TTC3: variants seen among roughly 807,000 people sequenced by gnomAD.
TTC3 encodes tetratricopeptide repeat domain 3, also known as E3 ubiquitin-protein ligase TTC3.
Under a neutral mutation model 249.6 loss-of-function variants are expected in TTC3, and 180 were observed. That is an observed-to-expected ratio of 0.72 (90% CI 0.64 to 0.82). The LOEUF is 0.82. Among genes scored for constraint, TTC3 ranks in the 40% least tolerant of loss-of-function variants. The pLI is 0.00. For synonymous variants in TTC3, 717 were observed against 805.0 expected (o/e 0.89, Z 1.85); for missense variants, 2,061 against 2,398.4 (o/e 0.86, Z 2.94).
At chr21:37,123,760 T>C (rs369295897) in intron 13 of TTC3, among the ~76,000 whole-genome samples, 2 of 151,980 alleles carry the variant, frequency 1.3e-5, no homozygotes, top group East Asian at 1.9e-4. Context: ...TTTTTTTTAA[T>C]TTTTTTGAGA....
At chr21:37,082,776 T>C (rs2071881232) in intron 1 of TTC3, 1 of 984,482 alleles carries the variant, frequency 1.0e-6, no homozygotes, top group Admixed American at 6.2e-5. Flanking sequence ...CCAGAGTGTA[T>C]AGTTGACCAT....
chr21:37,197,793 A>G, intron 43 of TTC3, 89 bp from the exon 44 acceptor site: 1 of 1,548,680 alleles, frequency 6.5e-7, no homozygotes, highest in Non-Finnish European at 8.6e-7. Context: ...CCTAGAGAGC[A>G]ATGTACTAAA....
intron 23 of TTC3, 79 bp from the exon 24 acceptor site, chr21:37,149,999 G>T (rs762899569): frequency 7.7e-5 from 80 of 1,038,056 alleles, no homozygotes; most frequent in Non-Finnish European, 1.1e-4. Flanking sequence ...GTTCCTAGTG[G>T]TAAAAATAGT....
At chr21:37,111,633 A>G (rs1020847060) in intron 11 of TTC3, among the ~76,000 whole-genome samples, 1 of 151,906 alleles carries the variant, frequency 6.6e-6, no homozygotes, top group Admixed American at 6.5e-5. Flanking sequence ...AACATTAGAC[A>G]GATCAACGAG....
At chr21:37,109,304 T>C (rs2075380644) in intron 11 of TTC3, among the ~76,000 whole-genome samples, 1 of 152,208 alleles carries the variant, frequency 6.6e-6, no homozygotes, top group South Asian at 2.1e-4. Context: ...GGGAATTCCC[T>C]TTCCTAGTCA....
At chr21:37,125,880 TC>T (rs1306393536) in intron 14 of TTC3, among the ~76,000 whole-genome samples, 199 bp from the exon 15 acceptor site, 1 of 76 alleles carries the variant, frequency 0.013, no homozygotes. Flanking sequence ...AAGAATTTGT[TC>T]GTTGCCATAT....
intron 32 of TTC3, 103 bp from the exon 33 acceptor site, chr21:37,165,447 A>G (rs2081162241): frequency 3.5e-6 from 3 of 862,970 alleles, no homozygotes; most frequent in Non-Finnish European, 5.4e-6. Flanking sequence ...GATCAGTGAA[A>G]AGTGAAACAG....
At chr21:37,081,387 A>T (rs1470051097) in intron 1 of TTC3, among the ~76,000 whole-genome samples, 2 of 152,108 alleles carry the variant, frequency 1.3e-5, no homozygotes. Context: ...AAGTGCTGGG[A>T]TTACAGGCGT....
At chr21:37,096,435 T>TA in intron 9 of TTC3, 146 bp from the exon 10 acceptor site, 2 of 553,440 alleles carry the variant, frequency 3.6e-6, no homozygotes, top group Non-Finnish European at 6.3e-6. Flanking sequence ...CTTCGCCAGT[T>TA]AAGACTCCAG....
intron 1 of TTC3, among the ~76,000 whole-genome samples, chr21:37,080,478 G>C (rs1325228553): frequency 6.6e-6 from 1 of 151,448 alleles, no homozygotes. Context: ...GTGTCTATTA[G>C]GTAAAGCTTG....
intron 34 of TTC3, among the ~76,000 whole-genome samples, chr21:37,169,225 A>G (rs2081516013): frequency 6.6e-6 from 1 of 152,228 alleles, no homozygotes; most frequent in South Asian, 2.1e-4. Context: ...TAAACTTCAT[A>G]TGTAAAAATG....
chr21:37,167,401 A>G (rs571166521), intron 33 of TTC3, among the ~76,000 whole-genome samples, 154 bp from the exon 34 acceptor site: 1 of 151,938 alleles, frequency 6.6e-6, no homozygotes, highest in South Asian at 2.1e-4. Context: ...TAACTTTCCT[A>G]ATATACATGT....
At chr21:37,143,903 C>G (rs1324147522) in intron 20 of TTC3, among the ~76,000 whole-genome samples, 1 of 124,092 alleles carries the variant, frequency 8.1e-6, no homozygotes, top group Non-Finnish European at 1.7e-5. Flanking sequence ...CCATGGAATA[C>G]TAAGCAGCCA....
chr21:37,151,300 A>C (rs1164718085), intron 25 of TTC3, among the ~76,000 whole-genome samples: 1 of 152,120 alleles, frequency 6.6e-6, no homozygotes, highest in African/African-American at 2.4e-5. Context: ...TGAAATACTC[A>C]ATGTACTGTC....
At chr21:37,102,732 C>T (rs375924210) in intron 10 of TTC3, among the ~76,000 whole-genome samples, 17 of 152,268 alleles carry the variant, frequency 1.1e-4, no homozygotes, top group Middle Eastern at 6.8e-3. Context: ...TGCAGTGGCT[C>T]GTGCCTGTAA....
chr21:37,182,667 T>C, intron 35 of TTC3, 107 bp from the exon 36 acceptor site: 1 of 1,179,846 alleles, frequency 8.5e-7, no homozygotes, highest in South Asian at 1.6e-5. Context: ...TCCACTGAAC[T>C]TAGGTCATTG....
chr21:37,173,404 A>C (rs1017101871), intron 35 of TTC3, among the ~76,000 whole-genome samples: 2 of 152,196 alleles, frequency 1.3e-5, no homozygotes, highest in African/African-American at 4.8e-5. Flanking sequence ...TATTTTGTTG[A>C]GATCTGCTGA....
chr21:37,119,249 TCTAGGG>T (rs2076397100), intron 11 of TTC3, among the ~76,000 whole-genome samples: 1 of 152,112 alleles, frequency 6.6e-6, no homozygotes, highest in African/African-American at 2.4e-5. Flanking sequence ...TGGCATTTAA[TCTAGGG>T]CTAATTTTTT....
At chr21:37,124,318 T>G (rs1317230855) in intron 13 of TTC3, among the ~76,000 whole-genome samples, 1 of 151,866 alleles carries the variant, frequency 6.6e-6, no homozygotes, top group Non-Finnish European at 1.5e-5. Context: ...GGTCTCACCA[T>G]GTTGGCCAGG....
Sources: allele counts gnomAD v4.1 joint callset (sites outside exome capture counted in the v4.1 genomes callset), GRCh38; gene constraint gnomAD v4.1.1; transcripts MANE v1.5; gene names NCBI Gene and HGNC (gene_info 2026-07-23, HGNC 2026-07-21).